CSNK1D: variants seen among roughly 807,000 people sequenced by gnomAD.
The protein encoded by CSNK1D is casein kinase 1 delta.
CSNK1D carries 16 observed loss-of-function variants against 46.6 expected under a neutral mutation model. The ratio of observed to expected loss-of-function variants is 0.34; its 90% CI spans 0.23 to 0.52. The LOEUF (loss-of-function observed/expected upper bound fraction) is 0.52, where lower values mean the gene tolerates loss of function less well. Ranked by LOEUF, CSNK1D falls within the 20% of genes least tolerant of loss-of-function variation. CSNK1D has a pLI of 0.95. For synonymous variants in CSNK1D, 276 were observed against 228.2 expected (o/e 1.21, Z -1.89); for missense variants, 398 against 578.4 (o/e 0.69, Z 3.20).
intron 8 of CSNK1D, among the ~76,000 whole-genome samples, chr17:82,245,797 A>G (rs1403903461): frequency 2.0e-5 from 3 of 152,166 alleles, no homozygotes; most frequent in African/African-American, 7.2e-5. Flanking sequence ...TCCCCCCAAG[A>G]CTGGGCAGCG....
chr17:82,245,063 G>T (rs986306021), intron 8 of CSNK1D: 7 of 625,438 alleles, frequency 1.1e-5, no homozygotes, highest in Non-Finnish European at 5.7e-6. Context: ...CAAGGTGCCC[G>T]CGGAGCCGGG....
chr17:82,260,482 G>C (rs2051305638), intron 2 of CSNK1D, among the ~76,000 whole-genome samples: 1 of 151,720 alleles, frequency 6.6e-6, no homozygotes, highest in South Asian at 2.1e-4. Flanking sequence ...TGATGTGACT[G>C]ATGGTGTACT....
chr17:82,246,473 A>T (rs2050852907), intron 8 of CSNK1D: 2 of 1,117,370 alleles, frequency 1.8e-6, no homozygotes, highest in African/African-American at 3.2e-5. Flanking sequence ...CGACTGTTGG[A>T]ATGACAAGGC....
intron 1 of CSNK1D, 142 bp from the exon 2 acceptor site, chr17:82,265,938 G>A: frequency 1.3e-6 from 1 of 756,604 alleles, no homozygotes; most frequent in Non-Finnish European, 2.4e-6. Flanking sequence ...TAGTAAGGCG[G>A]GCTAATCGGC....
intron 1 of CSNK1D, among the ~76,000 whole-genome samples, chr17:82,271,062 G>A (rs2051609733): frequency 6.6e-6 from 1 of 152,178 alleles, no homozygotes; most frequent in African/African-American, 2.4e-5. Context: ...AGAACAGATA[G>A]TTTCAAAGTA....
At chr17:82,253,883 A>C (rs80168338) in intron 3 of CSNK1D, 2 of 247,670 alleles carry the variant, frequency 8.1e-6, no homozygotes, top group African/African-American at 2.8e-5. Context: ...AGCCTCGTGA[A>C]GCCAGTGAGC....
intron 1 of CSNK1D, among the ~76,000 whole-genome samples, chr17:82,269,716 A>C (rs1441305561): frequency 6.6e-6 from 1 of 152,248 alleles, no homozygotes; most frequent in Non-Finnish European, 1.5e-5. Flanking sequence ...AACACACTAC[A>C]GGTGAGAACA....
intron 2 of CSNK1D, among the ~76,000 whole-genome samples, chr17:82,256,188 T>C (rs1187134073): frequency 6.6e-6 from 1 of 152,170 alleles, no homozygotes; most frequent in Non-Finnish European, 1.5e-5. Flanking sequence ...GGCTGCATAG[T>C]ATCAGTGCTG....
At position 82,252,375 on chromosome 17, in the gene CSNK1D, C is replaced by T; in HGVS notation, c.736+59G>A. 1 of 1,594,910 alleles carries T rather than the reference C, an allele frequency of 6.3e-7. No individual in the cohort carries two copies. The highest frequency in any genetic ancestry group is 1.3e-5 in the African/African-American group (1 of 74,662). Reference sequence around the variant, plus strand: ...CCCAGACTGAGCCGTCTCGGCACACCCGACACATATGCAACCCCTGTGAGC... The same window carrying T: ...CCCAGACTGAGCCGTCTCGGCACACTCGACACATATGCAACCCCTGTGAGC... On this transcript the variant is annotated intron_variant, in intron 5 of 8. Coordinates refer to ENST00000314028, the MANE Select transcript of CSNK1D (RefSeq NM_001893.6). The surrounding 1 kb of genome is among the most constrained non-coding windows in gnomAD (Gnocchi z 4.6).
Position 82,252,889 on chromosome 17 carries a change from G to T in CSNK1D, c.565+127C>A. ...ACACCTGGCAGTCACGAGCCAGCCTGTCTGCCGCAAAGGTCTGATGACACG... is the reference window on the plus strand; with the variant it reads ...ACACCTGGCAGTCACGAGCCAGCCTTTCTGCCGCAAAGGTCTGATGACACG... On this transcript the variant is annotated intron_variant, in intron 4 of 8. Transcript: ENST00000314028. The surrounding 1 kb of genome is among the most constrained non-coding windows in gnomAD (Gnocchi z 4.6). The T allele has an allele frequency of 2.2e-6, 2 of 904,668 alleles. No individual in the cohort carries two copies. Among genetic ancestry groups the T allele is most frequent in the Non-Finnish European group, 3.5e-6 (2 of 565,150 alleles). The allele number at this position is 904,668 out of a possible 1,614,324, so 56.0% of individuals were successfully genotyped here.
At chr17:82,240,119 C>G, downstream of CSNK1D, 1 of 1,207,388 alleles carries the variant, frequency 8.3e-7, no homozygotes, top group Non-Finnish European at 1.0e-6. Flanking sequence ...CCCCATCTGC[C>G]CCTGGCCTTG....
intron 1 of CSNK1D, chr17:82,266,869 G>C (rs576224737): frequency 6.6e-6 from 1 of 152,148 alleles, no homozygotes; most frequent in African/African-American, 2.4e-5. Context: ...GACCATCCTG[G>C]CTAACACGGT....
rs2050905095 is a variant in CSNK1D, at chr17:82,248,399, C to T, written c.1197+476G>A. 1 of 1,002,598 alleles carries T rather than the reference C, an allele frequency of 1.0e-6. No homozygotes were observed. Among genetic ancestry groups the T allele is most frequent in the African/African-American group, 1.7e-5 (1 of 57,520 alleles). 62.1% of individuals were successfully genotyped at this position (1,002,598 alleles called of 1,614,324 possible). The stretch of plus-strand genomic sequence containing the variant: ...GTGAGGCCGTCAAAAGAAGGAAAGC[C>T]TCGTTGCAGGGCATGCCACCAGGGA... On this transcript the variant is annotated intron_variant, in intron 8 of 8. Coordinates refer to ENST00000314028, the MANE Select transcript of CSNK1D (RefSeq NM_001893.6). The surrounding 1 kb of genome is among the most constrained non-coding windows in gnomAD (Gnocchi z 4.1).
intron 8 of CSNK1D, chr17:82,246,943 C>A: frequency 1.3e-5 from 13 of 985,522 alleles, no homozygotes; most frequent in Non-Finnish European, 1.6e-5. Context: ...GGATTCAAAA[C>A]GGGAGCTGCT....
At chr17:82,261,239 T>C (rs1419381722) in intron 2 of CSNK1D, 1 of 154,172 alleles carries the variant, frequency 6.5e-6, no homozygotes, top group East Asian at 1.9e-4. Context: ...GTGAAGCCAA[T>C]GGGTTTGAAA....
In CSNK1D at chr17:82,244,787, G is replaced by C; in HGVS notation, c.1242C>G (p.His414Gln). ...ACAGCAATAAGGAGAGTTCTCATCG[G>C]TGCACGACAGACTGAAGACCACTGG... The part of the protein sequence containing the change: ...VASSGLQSVV[H>Q]R The change falls in exon 9 of 9, where the codon CAC becomes CAG. Residue 414 changes from histidine to glutamine, a missense_variant. By Grantham distance (24) the His-to-Gln change is conservative (BLOSUM62 0). This residue lies in a region of CSNK1D where 181 missense variants were observed against 208.0 expected (regional missense o/e 0.87). Transcript: ENST00000314028. 1.9e-6 allele frequency: 3 copies of C among 1,614,000 alleles called. No individual in the cohort carries two copies. The highest frequency in any genetic ancestry group is 2.5e-6 in the Non-Finnish European group (3 of 1,180,032).
Position 82,252,230 on chromosome 17 carries a change from G to C in CSNK1D, c.736+204C>G, listed in dbSNP as rs573367382. ...AGGGCCTCCAAGTACTCCCCACGCT[G>C]ATGGGCACTTGGCAAGTAAGTCAAG... On this transcript the variant is annotated intron_variant, in intron 5 of 8. Coordinates refer to ENST00000314028, the MANE Select transcript of CSNK1D (RefSeq NM_001893.6). This position sits in a 1 kb window ranked among gnomAD's most constrained non-coding sequence, Gnocchi z 4.6. Among the ~76,000 whole-genome samples, 1 of 152,328 alleles carries C rather than the reference G, an allele frequency of 6.6e-6. No individual in the cohort carries two copies. Among genetic ancestry groups the C allele is most frequent in the East Asian group, 1.9e-4 (1 of 5,192 alleles).
intron 2 of CSNK1D, among the ~76,000 whole-genome samples, chr17:82,256,227 C>T (rs1163664306): frequency 2.0e-5 from 3 of 152,126 alleles, no homozygotes; most frequent in African/African-American, 4.8e-5. Context: ...TAAAGGCACA[C>T]GGGCCAGGTG....
rs1172515113 is a variant in CSNK1D, at chr17:82,243,435, C to T, written c.*1346G>A. The T allele has an allele frequency of 4.1e-6, 4 of 985,392 alleles. No homozygotes were observed. In the East Asian group the frequency reaches 3.4e-4, roughly 84 times the overall value. The allele number at this position is 985,392 out of a possible 1,614,324, so 61.0% of individuals were successfully genotyped here. A position where few individuals can be genotyped will look rare whatever the true frequency, so the allele number is the denominator to read the frequency against. On this transcript the variant is annotated 3_prime_UTR_variant, in exon 9 of 9. Transcript: ENST00000314028. ...GCGGAGTGAGAGGCGAGAAGGCATC[C>T]TGGGAACCTCAGGGCACAGCAGCAT...
Sources: allele counts gnomAD v4.1 joint callset (sites outside exome capture counted in the v4.1 genomes callset), GRCh38; gene constraint gnomAD v4.1.1; regional missense constraint gnomAD v4.1.1; non-coding constraint Gnocchi (gnomAD v3.1); transcripts MANE v1.5; gene names NCBI Gene and HGNC (gene_info 2026-07-23, HGNC 2026-07-21).